Variants in SNTG1 observed in about 807,000 individuals in gnomAD.
SNTG1 encodes the protein gamma-1-syntrophin.
A neutral mutation model predicts 74.7 loss-of-function variants in SNTG1; 39 were observed. The ratio of observed to expected loss-of-function variants is 0.52; its 90% CI spans 0.40 to 0.68. The LOEUF is 0.68. SNTG1 is among the 30% of genes least tolerant of loss of function. The pLI, the probability that SNTG1 is intolerant of heterozygous loss-of-function variation, is 0.00. For synonymous variants in SNTG1, 254 were observed against 217.1 expected (o/e 1.17, Z -1.49); for missense variants, 685 against 609.5 (o/e 1.12, Z -1.30).
At chr8:49,969,221 AT>A (rs1050312166) in intron 1 of SNTG1, among the ~76,000 whole-genome samples, 3 of 151,790 alleles carry the variant, frequency 2.0e-5, no homozygotes, top group East Asian at 3.9e-4. Flanking sequence ...TACTTTTTAA[AT>A]TTTTTTCTTT....
chr8:50,118,395 T>G (rs1272082400), intron 1 of SNTG1, among the ~76,000 whole-genome samples: 3 of 152,236 alleles, frequency 2.0e-5, no homozygotes, highest in African/African-American at 7.2e-5. Context: ...TAAGATTTAT[T>G]AACTGCTAAG....
chr8:50,059,657 C>T (rs56234780), intron 1 of SNTG1, among the ~76,000 whole-genome samples: 3,030 of 152,114 alleles, frequency 0.02, 102 homozygotes, highest in African/African-American at 0.067. Flanking sequence ...TCATCCATTT[C>T]GTAGTGTGTA....
intron 3 of SNTG1, 146 bp downstream of exon 3, chr8:50,394,411 C>A: frequency 2.7e-6 from 2 of 730,352 alleles, no homozygotes; most frequent in South Asian, 4.1e-5. Flanking sequence ...ATTACGTTCT[C>A]CTTCTGCAAA....
intron 2 of SNTG1, among the ~76,000 whole-genome samples, chr8:50,371,693 A>G (rs778179356): frequency 2.0e-5 from 3 of 152,136 alleles, no homozygotes; most frequent in Non-Finnish European, 4.4e-5. Flanking sequence ...TCAAGGTTTT[A>G]TTCATATATT....
At chr8:50,716,302 TTC>T (rs1459461026) in intron 17 of SNTG1, among the ~76,000 whole-genome samples, 1 of 152,186 alleles carries the variant, frequency 6.6e-6, no homozygotes, top group Non-Finnish European at 1.5e-5. Flanking sequence ...TCAAAATGAA[TTC>T]TTTCTTGAAA....
At chr8:50,430,279 C>T (rs887537642) in intron 4 of SNTG1, among the ~76,000 whole-genome samples, 8 of 152,192 alleles carry the variant, frequency 5.3e-5, no homozygotes, top group Non-Finnish European at 1.2e-4. Context: ...AAGATAAAAA[C>T]TGTGTATATT....
intron 2 of SNTG1, among the ~76,000 whole-genome samples, chr8:50,352,239 C>G (rs138474283): frequency 7.2e-5 from 11 of 152,214 alleles, no homozygotes; most frequent in African/African-American, 2.6e-4. Context: ...GACTGGAAAG[C>G]AATTTTCAGA....
At chr8:50,360,128 A>G (rs73579271) in intron 2 of SNTG1, among the ~76,000 whole-genome samples, 2,241 of 152,218 alleles carry the variant, frequency 0.015, 60 homozygotes, top group African/African-American at 0.05. Flanking sequence ...CCCACACGAG[A>G]TCAGATAGAT....
At chr8:50,429,211 G>C (rs1227838028) in intron 4 of SNTG1, among the ~76,000 whole-genome samples, 2 of 151,912 alleles carry the variant, frequency 1.3e-5, no homozygotes, top group African/African-American at 4.8e-5. Context: ...AAACAAAAGA[G>C]TTTGAGGGTT....
chr8:50,041,968 G>A (rs960756107), intron 1 of SNTG1, among the ~76,000 whole-genome samples: 1 of 152,202 alleles, frequency 6.6e-6, no homozygotes, highest in South Asian at 2.1e-4. Context: ...TTATATAGAT[G>A]TTCCTCAACT....
At chr8:50,146,426 G>A (rs1027857861) in intron 1 of SNTG1, among the ~76,000 whole-genome samples, 3 of 152,176 alleles carry the variant, frequency 2.0e-5, no homozygotes, top group Admixed American at 2.0e-4. Flanking sequence ...GCTGAGACAG[G>A]AGAATCGCTG....
At chr8:50,432,402 G>GT (rs1258687096) in intron 4 of SNTG1, among the ~76,000 whole-genome samples, 2 of 151,876 alleles carry the variant, frequency 1.3e-5, no homozygotes, top group East Asian at 3.9e-4. Context: ...AAAATGCCAT[G>GT]TTGTGTTGTG....
chr8:50,376,481 A>G (rs1050182464), intron 2 of SNTG1, among the ~76,000 whole-genome samples: 4 of 152,084 alleles, frequency 2.6e-5, no homozygotes, highest in South Asian at 2.1e-4. Context: ...TCAGTGATGT[A>G]TCATTGGATA....
At chr8:50,216,362 T>A (rs1410800681) in intron 2 of SNTG1, among the ~76,000 whole-genome samples, 1 of 152,234 alleles carries the variant, frequency 6.6e-6, no homozygotes, top group Admixed American at 6.5e-5. Flanking sequence ...AATGTAGAAC[T>A]ATCTTTTCAG....
chr8:50,718,726 G>A (rs1420204917), intron 17 of SNTG1, among the ~76,000 whole-genome samples: 2 of 152,124 alleles, frequency 1.3e-5, no homozygotes, highest in South Asian at 2.1e-4. Context: ...AGATCAGCCC[G>A]GTCCATAGAA....
chr8:50,166,071 T>G (rs1462947585), intron 1 of SNTG1, among the ~76,000 whole-genome samples: 1 of 114,106 alleles, frequency 8.8e-6, no homozygotes, highest in Non-Finnish European at 1.8e-5. Flanking sequence ...TAGCCATATG[T>G]AGAAAGCTGA....
intron 2 of SNTG1, among the ~76,000 whole-genome samples, chr8:50,233,051 T>C (rs1290561418): frequency 6.6e-6 from 1 of 151,596 alleles, no homozygotes; most frequent in Non-Finnish European, 1.5e-5. Flanking sequence ...GTTGTGGATA[T>C]AGACGTTATT....
At chr8:50,348,311 G>A (rs1171790066) in intron 2 of SNTG1, among the ~76,000 whole-genome samples, 1 of 152,158 alleles carries the variant, frequency 6.6e-6, no homozygotes, top group African/African-American at 2.4e-5. Flanking sequence ...AGAATGTGAA[G>A]GTAGGATCCC....
At chr8:50,096,079 T>C (rs977097269) in intron 1 of SNTG1, among the ~76,000 whole-genome samples, 2 of 152,214 alleles carry the variant, frequency 1.3e-5, no homozygotes, top group Non-Finnish European at 2.9e-5. Flanking sequence ...TAATATATTT[T>C]ACCATTTTAA....
Sources: gnomAD v4.1 joint callset for allele counts (sites outside exome capture counted in the v4.1 genomes callset) on GRCh38, gnomAD v4.1.1 for gene constraint, MANE v1.5 for transcripts, NCBI Gene and HGNC (gene_info 2026-07-23, HGNC 2026-07-21) for gene names.